The following KLRF2 variants were observed in gnomAD, a reference collection of about 807,000 sequenced individuals.
KLRF2 encodes the protein killer cell lectin-like receptor subfamily F member 2.
Under a neutral mutation model 25.3 loss-of-function variants are expected in KLRF2, and 28 were observed. The observed-to-expected ratio is 1.11, with a 90% CI of 0.82 to 1.52. The LOEUF (loss-of-function observed/expected upper bound fraction) is 1.52, where lower values mean the gene tolerates loss of function less well. Ranked by LOEUF, KLRF2 falls within the 40% of genes most tolerant of loss-of-function variation. The pLI, the probability that KLRF2 is intolerant of heterozygous loss-of-function variation, is 0.00. For synonymous variants in KLRF2, 73 were observed against 85.0 expected (o/e 0.86, Z 0.78); for missense variants, 265 against 245.8 (o/e 1.08, Z -0.52).
intron 3 of KLRF2, among the ~76,000 whole-genome samples, chr12:9,892,724 A>G (rs1389332386): frequency 1.3e-5 from 2 of 151,182 alleles, no homozygotes; most frequent in East Asian, 2.0e-4. Context: ...AGCTGGGATT[A>G]CAGGCATGGG....
chr12:9,893,531 G>T lies in KLRF2; in HGVS notation c.469G>T (p.Val157Phe), dbSNP rs1295410909. The T allele has an allele frequency of 1.4e-6, 2 of 1,453,106 alleles. No homozygotes were observed. The highest frequency in any genetic ancestry group is 1.9e-6 in the Non-Finnish European group (2 of 1,077,204). 90.0% of individuals were successfully genotyped at this position (1,453,106 alleles called of 1,614,324 possible). A position where few individuals can be genotyped will look rare whatever the true frequency, so the allele number is the denominator to read the frequency against. ...GATGTGGATAGATGAACACTTTTTAGTTCCAGAATTGTGAGTAGTTATTTG... is the reference window on the plus strand; with the variant it reads ...GATGTGGATAGATGAACACTTTTTATTTCCAGAATTGTGAGTAGTTATTTG... ...LWMWIDEHFLVPELFSVIGPT... is the reference protein window; with the variant it reads ...LWMWIDEHFLFPELFSVIGPT... The change falls in exon 5 of 6, where the codon GTT (valine) becomes TTT (phenylalanine). Residue 157 changes from valine (V) to phenylalanine (F), a missense_variant. Val to Phe is a conservative substitution (Grantham distance 50). Transcript: ENST00000535540.
At position 9,895,687 on chromosome 12, in the gene KLRF2, A is replaced by G. The variant is rs1453496863; in HGVS notation, c.480-2A>G. On this transcript the variant is annotated splice_acceptor_variant, in intron 5 of 5. Transcript: ENST00000535540. LOFTEE classifies it high-confidence loss of function. ...CTGAAAAATCTGTCCTTTGTCTCTT[A>G]GGTTTTCAGTGATTGGACCAACTGA... is the stretch of plus-strand genomic sequence containing the variant. 7.2e-6 allele frequency: 11 copies of G among 1,522,716 alleles called. No homozygotes were observed. The African/African-American group carries it at 1.5e-4, about 21-fold the overall frequency. The allele number at this position is 1,522,716 out of a possible 1,614,324, so 94.3% of individuals were successfully genotyped here. A position where few individuals can be genotyped will look rare whatever the true frequency, so the allele number is the denominator to read the frequency against.
At chr12:9,885,411 AC>A (rs1185812982) in intron 2 of KLRF2, among the ~76,000 whole-genome samples, 2 of 151,868 alleles carry the variant, frequency 1.3e-5, no homozygotes, top group African/African-American at 4.8e-5. Flanking sequence ...CTGAAGTGGT[AC>A]TTATATGTGT....
chr12:9,884,056 G>A (rs1310241429), intron 1 of KLRF2, among the ~76,000 whole-genome samples: 1 of 152,128 alleles, frequency 6.6e-6, no homozygotes, highest in Non-Finnish European at 1.5e-5. Flanking sequence ...TGTAGATTGA[G>A]ATATTAATTA....
chr12:9,882,649 C>T (rs972604365), intron 1 of KLRF2, among the ~76,000 whole-genome samples: 3 of 152,170 alleles, frequency 2.0e-5, no homozygotes, highest in South Asian at 2.1e-4. Flanking sequence ...GGTATGGTGG[C>T]GTGTGCCTGT....
At chr12:9,894,153 TCC>T (rs1555127283) in intron 5 of KLRF2, among the ~76,000 whole-genome samples, 2 of 143,980 alleles carry the variant, frequency 1.4e-5, no homozygotes, top group Admixed American at 7.0e-5. Context: ...TCTCTCTCTC[TCC>T]CTCCCTTCCT....
Position 9,895,809 on chromosome 12 carries a change from G to A in KLRF2, c.600G>A (p.Thr200=), listed in dbSNP as rs1446399822. ...TTTGCCAGAGAGATGCGATCTTGAC[G>A]CACAATGGAACCAGTGGTGTGTAAA... ...KGICQRDAIL[T]HNGTSGV The change falls in exon 6 of 6, where the codon ACG becomes ACA. Residue 200 remains threonine, a synonymous_variant. Coordinates refer to ENST00000535540, the MANE Select transcript of KLRF2 (RefSeq NM_001190765.1). The A allele has an allele frequency of 2.0e-6, 3 of 1,534,710 alleles. No homozygotes were observed. Among genetic ancestry groups the A allele is most frequent in the African/African-American group, 1.4e-5 (1 of 72,890 alleles).
At chr12:9,885,859 C>G (rs558342324) in intron 2 of KLRF2, among the ~76,000 whole-genome samples, 1 of 152,024 alleles carries the variant, frequency 6.6e-6, no homozygotes, top group East Asian at 1.9e-4. Flanking sequence ...TATTTTTAGT[C>G]GTTATGAATC....
chr12:9,883,851 C>T (rs1424957208), intron 1 of KLRF2, among the ~76,000 whole-genome samples: 1 of 152,064 alleles, frequency 6.6e-6, no homozygotes, highest in African/African-American at 2.4e-5. Context: ...AGCATCCACA[C>T]AGAAATTAGA....
At chr12:9,885,519 T>A (rs1327279422) in intron 2 of KLRF2, among the ~76,000 whole-genome samples, 1 of 151,868 alleles carries the variant, frequency 6.6e-6, no homozygotes, top group African/African-American at 2.4e-5. Flanking sequence ...AGTAGTGTTT[T>A]ACATATAACA....
intron 3 of KLRF2, among the ~76,000 whole-genome samples, chr12:9,889,837 T>G (rs1353764827): frequency 6.6e-6 from 1 of 152,114 alleles, no homozygotes; most frequent in African/African-American, 2.4e-5. Context: ...GTTCTGATAT[T>G]TATATGCTAT....
chr12:9,895,180 T>G (rs919530288), intron 5 of KLRF2, among the ~76,000 whole-genome samples: 1 of 152,212 alleles, frequency 6.6e-6, no homozygotes. Flanking sequence ...ACTCACATCA[T>G]TATAGCATAC....
intron 2 of KLRF2, among the ~76,000 whole-genome samples, chr12:9,885,731 T>G (rs547720456): frequency 6.6e-6 from 1 of 152,170 alleles, no homozygotes; most frequent in South Asian, 2.1e-4. Flanking sequence ...TATATCCTAC[T>G]TAATGTATTT....
chr12:9,895,417 A>ATACTGGAAATAGAATAC (rs1862745582), intron 5 of KLRF2, among the ~76,000 whole-genome samples: 1 of 152,208 alleles, frequency 6.6e-6, no homozygotes, highest in Admixed American at 6.5e-5. Context: ...TGGAAATAGA[A>ATACTGGAAATAGAATAC]TACTCAGGTC....
At chr12:9,888,663 T>C (rs1862635463) in intron 2 of KLRF2, 70 bp from the exon 3 acceptor site, 3 of 863,478 alleles carry the variant, frequency 3.5e-6, no homozygotes, top group Non-Finnish European at 5.5e-6. Context: ...GCTGGTACTT[T>C]ATTCTCATGT....
intron 1 of KLRF2, among the ~76,000 whole-genome samples, chr12:9,883,782 CTAAG>C (rs1283837780): frequency 6.6e-6 from 1 of 152,126 alleles, no homozygotes; most frequent in Non-Finnish European, 1.5e-5. Context: ...AGTAAATTCT[CTAAG>C]TATATACTAT....
At chr12:9,888,453 G>A (rs1422456729) in intron 2 of KLRF2, among the ~76,000 whole-genome samples, 1 of 151,682 alleles carries the variant, frequency 6.6e-6, no homozygotes, top group Non-Finnish European at 1.5e-5. Context: ...TTGCGCCACT[G>A]CACTGCAGCC....
chr12:9,884,940 C>T lies in KLRF2; in HGVS notation c.77C>T (p.Ser26Phe). The change falls in exon 2 of 6, where the codon TCC (serine) becomes TTC (phenylalanine). Residue 26 changes from serine (S) to phenylalanine (F), a missense_variant. Coordinates refer to ENST00000535540, the MANE Select transcript of KLRF2 (RefSeq NM_001190765.1). ...CKSKQKSKDF[S>F]LYPQYYCLLL... ...CTAAAATTCAACATTTCAGATTTCT[C>T]CCTATATCCACAATATTATTGTCTT... 1.7e-6 allele frequency: 2 copies of T among 1,162,498 alleles called. No individual in the cohort carries two copies. Among genetic ancestry groups the T allele is most frequent in the Non-Finnish European group, 2.3e-6 (2 of 882,468 alleles). The allele number at this position is 1,162,498 out of a possible 1,614,324, so 72.0% of individuals were successfully genotyped here.
chr12:9,884,581 T>G (rs1868130296), intron 1 of KLRF2, among the ~76,000 whole-genome samples: 1 of 148,818 alleles, frequency 6.7e-6, no homozygotes. Flanking sequence ...GAATAATATA[T>G]ATGTTTACAT....
Sources: allele counts gnomAD v4.1 joint callset (sites outside exome capture counted in the v4.1 genomes callset), GRCh38; gene constraint gnomAD v4.1.1; transcripts MANE v1.5; gene names NCBI Gene and HGNC (gene_info 2026-07-23, HGNC 2026-07-21).